DOCK1: variants seen among roughly 807,000 people sequenced by gnomAD.
DOCK1 encodes dedicator of cytokinesis 1, also known as dedicator of cytokinesis protein 1.
Under a neutral mutation model 262.7 loss-of-function variants are expected in DOCK1, and 138 were observed. The ratio of observed to expected loss-of-function variants is 0.53; its 90% CI spans 0.46 to 0.61. The LOEUF (loss-of-function observed/expected upper bound fraction) is 0.61, where lower values mean the gene tolerates loss of function less well. Ranked by LOEUF, DOCK1 falls within the 20% of genes least tolerant of loss-of-function variation. The pLI is 0.00. For synonymous variants in DOCK1, 866 were observed against 867.4 expected (o/e 1.00, Z 0.03); for missense variants, 1,908 against 2,370.7 (o/e 0.80, Z 4.05).
intron 1 of DOCK1, among the ~76,000 whole-genome samples, chr10:126,911,941 A>G (rs2031831567): frequency 6.6e-6 from 1 of 152,184 alleles, no homozygotes; most frequent in Admixed American, 6.5e-5. Context: ...AGCTACCATA[A>G]CAAAGGACCA....
In DOCK1 at chr10:127,371,846, C is replaced by A. The variant is rs1004690622; in HGVS notation, c.3433-1935C>A. Among the ~76,000 whole-genome samples, 3 of 152,052 alleles carry A rather than the reference C, an allele frequency of 2.0e-5. No homozygotes were observed. In the East Asian group the frequency reaches 5.8e-4, roughly 29 times the overall value. On this transcript the variant is annotated intron_variant, in intron 33 of 51. Transcript: ENST00000623213. The stretch of plus-strand genomic sequence containing the variant: ...TGTATGTGATTCCAAAAAGAACTAC[C>A]TTTTGCAGAATTCTTTTCTGTAAAG...
intron 1 of DOCK1, among the ~76,000 whole-genome samples, chr10:126,949,559 G>T (rs994908466): frequency 6.6e-6 from 1 of 152,080 alleles, no homozygotes; most frequent in African/African-American, 2.4e-5. Context: ...GAGCAGCAAG[G>T]GCAGAGCTGG....
At chr10:127,097,960 C>G (rs1330478768) in intron 23 of DOCK1, among the ~76,000 whole-genome samples, 2 of 152,316 alleles carry the variant, frequency 1.3e-5, no homozygotes, top group East Asian at 1.9e-4. Context: ...GGGCCTCACT[C>G]CAAACTCAGC....
At chr10:127,200,372 A>C (rs1159382744) in intron 27 of DOCK1, among the ~76,000 whole-genome samples, 2 of 152,070 alleles carry the variant, frequency 1.3e-5, no homozygotes, top group Non-Finnish European at 1.5e-5. Flanking sequence ...AAAGGATTAA[A>C]TTTCTTAATT....
At chr10:127,285,572 G>A (rs745625332) in intron 29 of DOCK1, among the ~76,000 whole-genome samples, 11 of 152,342 alleles carry the variant, frequency 7.2e-5, no homozygotes, top group Middle Eastern at 3.4e-3. Context: ...GGAGGTGGGA[G>A]TGGGACTCCG....
chr10:127,365,419 C>T (rs1202630750), intron 33 of DOCK1, among the ~76,000 whole-genome samples: 1 of 152,202 alleles, frequency 6.6e-6, no homozygotes, highest in African/African-American at 2.4e-5. Flanking sequence ...ACTGCCAACT[C>T]ATTGGAACTA....
chr10:126,951,684 T>C (rs1350454262), intron 1 of DOCK1, among the ~76,000 whole-genome samples: 1 of 151,776 alleles, frequency 6.6e-6, no homozygotes, highest in Admixed American at 6.6e-5. Flanking sequence ...TAAGTATTGT[T>C]GTTGGTATTA....
At chr10:126,963,679 CT>C (rs2037456585) in intron 1 of DOCK1, among the ~76,000 whole-genome samples, 1 of 140,334 alleles carries the variant, frequency 7.1e-6, no homozygotes, top group Non-Finnish European at 1.5e-5. Context: ...TCCTCCCTCC[CT>C]TCCTCCCTTC....
At chr10:126,957,209 A>G (rs2036816302) in intron 1 of DOCK1, among the ~76,000 whole-genome samples, 1 of 152,182 alleles carries the variant, frequency 6.6e-6, no homozygotes, top group South Asian at 2.1e-4. Context: ...AGGAATTTCA[A>G]GCAACTACAA....
At chr10:127,361,909 C>T (rs1164202085) in intron 32 of DOCK1, among the ~76,000 whole-genome samples, 155 bp from the exon 33 acceptor site, 2 of 152,178 alleles carry the variant, frequency 1.3e-5, no homozygotes, top group African/African-American at 4.8e-5. Flanking sequence ...TGGGAAAGTT[C>T]AAAATCATCA....
intron 1 of DOCK1, among the ~76,000 whole-genome samples, chr10:126,916,603 C>G (rs955081291): frequency 1.3e-5 from 2 of 152,076 alleles, no homozygotes; most frequent in East Asian, 3.9e-4. Flanking sequence ...GAAGACTCTG[C>G]CTCGAAATAA....
intron 14 of DOCK1, among the ~76,000 whole-genome samples, chr10:127,024,079 C>CA (rs1450570316): frequency 6.6e-6 from 1 of 152,176 alleles, no homozygotes; most frequent in Non-Finnish European, 1.5e-5. Flanking sequence ...GACCAGAGGT[C>CA]AAATCAGAGC....
At chr10:127,393,818 T>C (rs1487493539) in intron 38 of DOCK1, among the ~76,000 whole-genome samples, 1 of 152,182 alleles carries the variant, frequency 6.6e-6, no homozygotes, top group East Asian at 1.9e-4. Flanking sequence ...TTCTTAATCT[T>C]TTTCTTTCTC....
At chr10:127,369,983 C>G (rs1409513186) in intron 33 of DOCK1, among the ~76,000 whole-genome samples, 1 of 152,176 alleles carries the variant, frequency 6.6e-6, no homozygotes, top group Non-Finnish European at 1.5e-5. Context: ...TCACACTTCT[C>G]TCTGCTGAAC....
At chr10:127,073,630 G>A (rs1454513963) in intron 23 of DOCK1, among the ~76,000 whole-genome samples, 1 of 152,142 alleles carries the variant, frequency 6.6e-6, no homozygotes, top group Non-Finnish European at 1.5e-5. Flanking sequence ...AATAGTCTTC[G>A]AGGACACAGA....
At chr10:127,101,620 C>T (rs546038339) in intron 23 of DOCK1, among the ~76,000 whole-genome samples, 4 of 152,328 alleles carry the variant, frequency 2.6e-5, no homozygotes, top group East Asian at 3.9e-4. Flanking sequence ...GGGAAGACCA[C>T]GGCAGGGAAG....
At chr10:127,153,775 G>C (rs2052745149) in intron 27 of DOCK1, 1 of 1,143,814 alleles carries the variant, frequency 8.7e-7, no homozygotes, top group African/African-American at 1.5e-5. Context: ...CATGGCCCCA[G>C]ATCGTTCTTG....
intron 24 of DOCK1, among the ~76,000 whole-genome samples, chr10:127,108,493 A>G (rs554829648): frequency 3.9e-5 from 6 of 152,208 alleles, no homozygotes; most frequent in Non-Finnish European, 8.8e-5. Context: ...AGGCTGAGGC[A>G]GGAGAATTGT....
intron 1 of DOCK1, among the ~76,000 whole-genome samples, chr10:126,960,257 G>A (rs2037092017): frequency 6.6e-6 from 1 of 152,070 alleles, no homozygotes; most frequent in South Asian, 2.1e-4. Flanking sequence ...TGCTGAGATG[G>A]AGAAGATGCA....
Sources: gnomAD v4.1 joint callset for allele counts (sites outside exome capture counted in the v4.1 genomes callset) on GRCh38, gnomAD v4.1.1 for gene constraint, MANE v1.5 for transcripts, NCBI Gene and HGNC (gene_info 2026-07-23, HGNC 2026-07-21) for gene names.